The following MEGF11 variants were observed in gnomAD, a reference collection of about 807,000 sequenced individuals.
MEGF11 encodes the protein multiple EGF like domains 11.
Under a neutral mutation model 146.6 loss-of-function variants are expected in MEGF11, and 126 were observed. That is an observed-to-expected ratio of 0.86 (90% CI 0.74 to 1.00). The LOEUF is 1.00. MEGF11 is among the 50% of genes least tolerant of loss of function. MEGF11 has a pLI of 0.00. For synonymous variants in MEGF11, 532 were observed against 583.4 expected, an observed-to-expected ratio of 0.91 and a Z score of 1.27; for missense variants, 1,509 against 1,521.2, an observed-to-expected ratio of 0.99 and a Z score of 0.13.
intron 1 of MEGF11, among the ~76,000 whole-genome samples, chr15:66,187,838 C>T (rs2090752606): frequency 6.6e-6 from 1 of 152,224 alleles, no homozygotes; most frequent in African/African-American, 2.4e-5. Flanking sequence ...CCTATGGCTT[C>T]CCTGTATCAA....
chr15:65,993,863 G>T (rs564305961), intron 5 of MEGF11, among the ~76,000 whole-genome samples: 6 of 152,322 alleles, frequency 3.9e-5, no homozygotes, highest in Admixed American at 3.9e-4. Context: ...GGAGGAGGGA[G>T]CCTCTCTCTA....
At chr15:66,158,792 C>T (rs2089851426) in intron 1 of MEGF11, among the ~76,000 whole-genome samples, 1 of 152,198 alleles carries the variant, frequency 6.6e-6, no homozygotes, top group South Asian at 2.1e-4. Flanking sequence ...CTGAAGCCTC[C>T]CCCTTCCAAG....
At chr15:65,985,487 T>A (rs1434173319) in intron 5 of MEGF11, among the ~76,000 whole-genome samples, 1 of 152,072 alleles carries the variant, frequency 6.6e-6, no homozygotes, top group Non-Finnish European at 1.5e-5. Context: ...CCTGAGACCT[T>A]GGTTCTGTAT....
At chr15:66,232,262 G>A (rs1464927018) in intron 1 of MEGF11, among the ~76,000 whole-genome samples, 2 of 152,170 alleles carry the variant, frequency 1.3e-5, no homozygotes, top group Non-Finnish European at 2.9e-5. Context: ...GGCAACCCTA[G>A]CAACTTCCCA....
intron 3 of MEGF11, among the ~76,000 whole-genome samples, chr15:66,119,933 G>A (rs1363203528): frequency 1.3e-5 from 2 of 152,140 alleles, no homozygotes; most frequent in African/African-American, 4.8e-5. Context: ...CATTCCCTGG[G>A]GCAGGCACCA....
At position 65,971,843 on chromosome 15, in the gene MEGF11, C is replaced by T. The variant is rs561159540; in HGVS notation, c.763-1154G>A. On this transcript the variant is annotated intron_variant, in intron 7 of 25. Transcript: ENST00000395614. ...AACACTGAAATAAACAAATAGGCAA[C>T]AGGAACACAGAGGAAATAGGAACCA... is the stretch of plus-strand genomic sequence containing the variant. Among the ~76,000 whole-genome samples the T allele has an allele frequency of 5.9e-5, 9 of 152,050 alleles. No homozygotes were observed. The South Asian group carries it at 1.7e-3, about 28-fold the overall frequency.
chr15:66,022,496 C>T (rs2083182194), intron 5 of MEGF11, among the ~76,000 whole-genome samples: 1 of 152,222 alleles, frequency 6.6e-6, no homozygotes, highest in Non-Finnish European at 1.5e-5. Flanking sequence ...AGTTCATGGT[C>T]ATACTGTGGC....
At chr15:66,251,347 C>A (rs1011111189) in intron 1 of MEGF11, among the ~76,000 whole-genome samples, 1 of 152,196 alleles carries the variant, frequency 6.6e-6, no homozygotes, top group East Asian at 1.9e-4. Flanking sequence ...CAGCCCCTCC[C>A]GAAGTGATTT....
intron 5 of MEGF11, among the ~76,000 whole-genome samples, chr15:65,994,498 G>A (rs540264072): frequency 6.6e-6 from 1 of 152,358 alleles, no homozygotes; most frequent in South Asian, 2.1e-4. Context: ...TGGAGCTGGG[G>A]GCCTTTTTCA....
intron 5 of MEGF11, among the ~76,000 whole-genome samples, chr15:66,008,589 A>C (rs907470322): frequency 1.3e-5 from 2 of 152,072 alleles, no homozygotes; most frequent in Non-Finnish European, 2.9e-5. Flanking sequence ...TTTGGGAGGC[A>C]AAAGTGGGAG....
intron 24 of MEGF11, among the ~76,000 whole-genome samples, chr15:65,901,415 A>G (rs966494629): frequency 6.6e-6 from 1 of 152,184 alleles, no homozygotes; most frequent in African/African-American, 2.4e-5. Context: ...CATAATGAAT[A>G]GGGCTGTGCA....
Position 66,160,261 on chromosome 15 carries a change from C to G in MEGF11, c.-8-31850G>C, listed in dbSNP as rs1219288339. Among the ~76,000 whole-genome samples the G allele has an allele frequency of 3.3e-5, 5 of 151,908 alleles. No individual in the cohort carries two copies. The South Asian group carries it at 1.0e-3, about 32-fold the overall frequency. The stretch of plus-strand genomic sequence containing the variant: ...AAAAGCCCTCTCTCTCTCTCTCTCT[C>G]TCTCTCTCTCTCTCTCTCACTGCTT... On this transcript the variant is annotated intron_variant, in intron 1 of 25. Transcript: ENST00000395614.
intron 5 of MEGF11, among the ~76,000 whole-genome samples, chr15:66,068,204 G>T (rs1177251509): frequency 1.3e-5 from 2 of 152,192 alleles, no homozygotes; most frequent in Non-Finnish European, 2.9e-5. Flanking sequence ...CCTGTCCTGT[G>T]CACTGCCTGG....
At chr15:66,010,205 T>TC (rs2082669027) in intron 5 of MEGF11, among the ~76,000 whole-genome samples, 1 of 151,072 alleles carries the variant, frequency 6.6e-6, no homozygotes, top group African/African-American at 2.4e-5. Context: ...AATTTCTTTT[T>TC]TTTTTTTGAG....
chr15:66,051,030 T>C (rs986254878), intron 5 of MEGF11, among the ~76,000 whole-genome samples: 3 of 152,224 alleles, frequency 2.0e-5, no homozygotes, highest in African/African-American at 7.2e-5. Flanking sequence ...GGCTTAGGCA[T>C]TTTTCTGTGA....
chr15:65,965,596 C>CTTTTTTTTTT (rs1567180017), intron 8 of MEGF11, among the ~76,000 whole-genome samples: 1 of 14,638 alleles, frequency 6.8e-5, no homozygotes, highest in Non-Finnish European at 1.5e-4. Flanking sequence ...TTCTTTCTTT[C>CTTTTTTTTTT]TTTCTTTTTT....
At chr15:65,909,628 G>T in intron 22 of MEGF11, 112 bp downstream of exon 22, 1 of 1,093,032 alleles carries the variant, frequency 9.1e-7, no homozygotes, top group South Asian at 1.5e-5. Context: ...CTCCCTGGGG[G>T]AAACCATGTT....
intron 9 of MEGF11, among the ~76,000 whole-genome samples, chr15:65,962,989 T>C (rs569818743): frequency 9.1e-4 from 138 of 152,338 alleles, no homozygotes; most frequent in South Asian, 3.3e-3. Context: ...AGATTAATAA[T>C]GCATCGAGGA....
At chr15:65,934,263 GTTTT>G (rs1279834327) in intron 10 of MEGF11, among the ~76,000 whole-genome samples, 5 of 151,978 alleles carry the variant, frequency 3.3e-5, no homozygotes, top group Non-Finnish European at 7.4e-5. Context: ...TTGTTTGTTT[GTTTT>G]TGAGTCGGAG....
Sources: allele counts gnomAD v4.1 joint callset (sites outside exome capture counted in the v4.1 genomes callset), GRCh38; gene constraint gnomAD v4.1.1; transcripts MANE v1.5; gene names NCBI Gene and HGNC (gene_info 2026-07-23, HGNC 2026-07-21).